Variants in PTPRD observed in about 807,000 individuals in gnomAD.
PTPRD encodes receptor-type tyrosine-protein phosphatase delta.
PTPRD carries 34 observed loss-of-function variants against 214.5 expected under a neutral mutation model. The ratio of observed to expected loss-of-function variants is 0.16; its 90% confidence interval spans 0.12 to 0.21. The LOEUF (loss-of-function observed/expected upper bound fraction) is 0.21. Ranked by LOEUF, PTPRD falls within the 10% of genes least tolerant of loss-of-function variation. The pLI, the probability that PTPRD is intolerant of heterozygous loss-of-function variation, is 1.00. For synonymous variants in PTPRD, 1,128 were observed against 845.7 expected (o/e 1.33, Z -5.79); for missense variants, 2,545 against 2,398.7 (o/e 1.06, Z -1.27).
intron 12 of PTPRD, among the ~76,000 whole-genome samples, chr9:8,669,226 G>A (rs1287813833): frequency 6.6e-6 from 1 of 152,178 alleles, no homozygotes. Context: ...GTAGCGGGGT[G>A]AATTTCAAGG....
At chr9:8,987,260 T>C (rs542849963) in intron 11 of PTPRD, among the ~76,000 whole-genome samples, 42 of 152,074 alleles carry the variant, frequency 2.8e-4, no homozygotes, top group Non-Finnish European at 4.1e-4. Context: ...GTGAAAGGTA[T>C]GTGTGAGTGT....
chr9:10,465,229 A>G (rs889362836), intron 2 of PTPRD, among the ~76,000 whole-genome samples: 1 of 152,208 alleles, frequency 6.6e-6, no homozygotes, highest in East Asian at 1.9e-4. Context: ...CACAACAGAC[A>G]TTTGTTTGCT....
chr9:9,594,125 A>T (rs2093041964), intron 7 of PTPRD, among the ~76,000 whole-genome samples: 1 of 152,078 alleles, frequency 6.6e-6, no homozygotes, highest in Non-Finnish European at 1.5e-5. Context: ...ATGAAAGAAG[A>T]TCACTTACTA....
intron 10 of PTPRD, among the ~76,000 whole-genome samples, chr9:9,086,302 T>C (rs868301968): frequency 1.3e-5 from 2 of 152,162 alleles, no homozygotes; most frequent in Non-Finnish European, 2.9e-5. Context: ...TTAGTTTTGA[T>C]ATGGAGATGT....
chr9:10,262,340 C>T (rs952830832), intron 3 of PTPRD, among the ~76,000 whole-genome samples: 4 of 152,122 alleles, frequency 2.6e-5, no homozygotes, highest in Non-Finnish European at 5.9e-5. Context: ...TATCACAATA[C>T]CTTACAGAGT....
At chr9:9,059,547 C>T (rs1280180158) in intron 10 of PTPRD, among the ~76,000 whole-genome samples, 2 of 152,030 alleles carry the variant, frequency 1.3e-5, no homozygotes, top group Non-Finnish European at 1.5e-5. Flanking sequence ...TGAAAAATGC[C>T]ATGTATCAAA....
intron 2 of PTPRD, among the ~76,000 whole-genome samples, chr9:10,360,868 C>G (rs2097368267): frequency 6.6e-6 from 1 of 152,048 alleles, no homozygotes; most frequent in Non-Finnish European, 1.5e-5. Context: ...TTTGGGAGGC[C>G]AAGACGGGCA....
chr9:8,423,990 A>G (rs2094513504), intron 35 of PTPRD, among the ~76,000 whole-genome samples: 1 of 152,264 alleles, frequency 6.6e-6, no homozygotes, highest in East Asian at 1.9e-4. Flanking sequence ...TTCAGATATA[A>G]ACTATAATCC....
At chr9:9,258,411 C>T (rs978328498) in intron 9 of PTPRD, among the ~76,000 whole-genome samples, 4 of 150,604 alleles carry the variant, frequency 2.7e-5, no homozygotes, top group African/African-American at 9.8e-5. Context: ...TCATTTAATT[C>T]ATTGCACGCT....
intron 8 of PTPRD, among the ~76,000 whole-genome samples, chr9:9,545,809 A>G (rs867455236): frequency 2.8e-4 from 43 of 151,838 alleles, no homozygotes; most frequent in African/African-American, 1.0e-3. Flanking sequence ...AAACTTTAGA[A>G]TTAGTTTATT....
intron 7 of PTPRD, among the ~76,000 whole-genome samples, chr9:9,626,341 G>A (rs562366564): frequency 6.6e-6 from 1 of 152,280 alleles, no homozygotes; most frequent in South Asian, 2.1e-4. Context: ...GGCTCTGTCT[G>A]ATTTTATACC....
chr9:8,381,207 A>G (rs922407655), intron 37 of PTPRD, among the ~76,000 whole-genome samples: 1 of 152,202 alleles, frequency 6.6e-6, no homozygotes, highest in African/African-American at 2.4e-5. Context: ...ATTAGATAAC[A>G]CAAGTCACAG....
chr9:9,531,387 G>A (rs575520777), intron 8 of PTPRD, among the ~76,000 whole-genome samples: 21 of 152,230 alleles, frequency 1.4e-4, no homozygotes, highest in African/African-American at 5.1e-4. Flanking sequence ...TTGGATAAGT[G>A]ATTATTACTC....
intron 39 of PTPRD, among the ~76,000 whole-genome samples, chr9:8,356,639 CCTTT>C (rs2133611387): frequency 6.6e-6 from 1 of 152,256 alleles, no homozygotes; most frequent in African/African-American, 2.4e-5. Flanking sequence ...TGTCTAGATT[CCTTT>C]CTTTGGTAGT....
At chr9:8,672,141 A>G (rs2097300068) in intron 12 of PTPRD, among the ~76,000 whole-genome samples, 1 of 152,176 alleles carries the variant, frequency 6.6e-6, no homozygotes, top group South Asian at 2.1e-4. Context: ...GACAATTTGA[A>G]GTCAATCTAA....
At chr9:10,019,018 A>G (rs910533494) in intron 4 of PTPRD, among the ~76,000 whole-genome samples, 19 of 152,138 alleles carry the variant, frequency 1.2e-4, no homozygotes, top group Non-Finnish European at 1.9e-4. Flanking sequence ...AAATTTTTGC[A>G]ATCTACTCAT....
chr9:9,153,805 G>A (rs183112601), intron 10 of PTPRD, among the ~76,000 whole-genome samples: 1 of 152,124 alleles, frequency 6.6e-6, no homozygotes, highest in African/African-American at 2.4e-5. Flanking sequence ...TAAAATTTGG[G>A]GTAGAGGAGA....
intron 6 of PTPRD, 36 bp downstream of exon 6, chr9:9,766,774 T>C (rs1018931553): frequency 5.2e-5 from 8 of 152,560 alleles, no homozygotes; most frequent in African/African-American, 1.9e-4. Context: ...ACTTCATTTA[T>C]GGAGAAATTT....
intron 9 of PTPRD, among the ~76,000 whole-genome samples, chr9:9,268,818 A>T (rs941623120): frequency 2.7e-5 from 4 of 150,904 alleles, no homozygotes; most frequent in Admixed American, 6.6e-5. Flanking sequence ...AAAAAAAAAA[A>T]AAAGGAAATT....
Sources: allele counts gnomAD v4.1 joint callset (sites outside exome capture counted in the v4.1 genomes callset), GRCh38; gene constraint gnomAD v4.1.1; transcripts MANE v1.5; gene names NCBI Gene and HGNC (gene_info 2026-07-23, HGNC 2026-07-21).